SHANK2: variants seen among roughly 807,000 people sequenced by gnomAD.
SHANK2 encodes the protein SH3 and multiple ankyrin repeat domains protein 2.
SHANK2 carries 43 observed loss-of-function variants against 133.7 expected under a neutral mutation model. The ratio of observed to expected loss-of-function variants is 0.32; its 90% confidence interval spans 0.25 to 0.41. SHANK2 has a LOEUF of 0.41. SHANK2 is among the 10% of genes least tolerant of loss of function. The pLI, the probability that SHANK2 is intolerant of heterozygous loss-of-function variation, is 1.00. For missense variants in SHANK2, 1,994 were observed against 2,235.8 expected, an observed-to-expected ratio of 0.89 and a Z score of 2.18; for synonymous variants, 1,017 against 952.8, an observed-to-expected ratio of 1.07 and a Z score of -1.24.
At chr11:71,096,864 T>G (rs1224744480) in intron 6 of SHANK2, among the ~76,000 whole-genome samples, 1 of 152,188 alleles carries the variant, frequency 6.6e-6, no homozygotes, top group East Asian at 1.9e-4. Flanking sequence ...GAGAATGCTG[T>G]CTCAGAGAGA....
chr11:71,100,643 C>T (rs1446029233), intron 6 of SHANK2, among the ~76,000 whole-genome samples: 1 of 152,144 alleles, frequency 6.6e-6, no homozygotes, highest in African/African-American at 2.4e-5. Context: ...CCAAGGCGGG[C>T]AGATCATGAG....
chr11:70,910,676 G>A (rs1340661911), intron 10 of SHANK2, among the ~76,000 whole-genome samples: 1 of 152,082 alleles, frequency 6.6e-6, no homozygotes, highest in Non-Finnish European at 1.5e-5. Context: ...GCATGGTGGT[G>A]GACACCTGTA....
chr11:70,954,714 A>G (rs1450554629), intron 10 of SHANK2, among the ~76,000 whole-genome samples: 8 of 152,264 alleles, frequency 5.3e-5, no homozygotes, highest in Admixed American at 4.6e-4. Context: ...GGCCTCTGCC[A>G]TCACTGGCTT....
At chr11:70,735,987 T>C (rs1661440726) in intron 14 of SHANK2, among the ~76,000 whole-genome samples, 1 of 151,872 alleles carries the variant, frequency 6.6e-6, no homozygotes, top group Non-Finnish European at 1.5e-5. Context: ...CCTCAGATCC[T>C]GCCACTTGCC....
At chr11:70,588,368 C>T (rs1283334989) in intron 17 of SHANK2, among the ~76,000 whole-genome samples, 1 of 152,200 alleles carries the variant, frequency 6.6e-6, no homozygotes. Context: ...CTGAGATAGG[C>T]TGAAAGCTGA....
rs75812912 is a variant in SHANK2, at chr11:70,479,326, A to G, written c.4980-5887T>C. Among the ~76,000 whole-genome samples the G allele has an allele frequency of 1.9e-3, 284 of 152,242 alleles. 2 individuals are homozygous for G. Among genetic ancestry groups the G allele is most frequent in the East Asian group, 0.014 (71 of 5,180 alleles). ...GCAGAGATAACTTTTTAACAACCCA[A>G]AGTTATTTGAAAATCAAGAGGCTGT... On this transcript the variant is annotated intron_variant, in intron 25 of 25. Transcript: ENST00000601538. This position sits in a 1 kb window ranked among gnomAD's most constrained non-coding sequence, Gnocchi z 4.4.
chr11:70,563,970 C>T (rs184973492), intron 17 of SHANK2, among the ~76,000 whole-genome samples: 60 of 152,330 alleles, frequency 3.9e-4, no homozygotes, highest in African/African-American at 1.1e-3. Flanking sequence ...TATTTGTCCA[C>T]GATCTGCTCA....
At chr11:70,602,916 C>G (rs531028231) in intron 17 of SHANK2, among the ~76,000 whole-genome samples, 33 of 152,282 alleles carry the variant, frequency 2.2e-4, no homozygotes, top group Non-Finnish European at 4.3e-4. Flanking sequence ...GAGTCCTACA[C>G]AGGTGGGAAA....
intron 14 of SHANK2, among the ~76,000 whole-genome samples, chr11:70,701,359 G>T (rs536510949): frequency 6.6e-6 from 1 of 152,108 alleles, no homozygotes; most frequent in Non-Finnish European, 1.5e-5. Flanking sequence ...AGGATATTAA[G>T]AACAGTAAAT....
chr11:71,084,895 T>C lies in SHANK2; in HGVS notation c.912+7527A>G, dbSNP rs975357302. Among the ~76,000 whole-genome samples, 458 of 152,262 alleles carry C rather than the reference T, an allele frequency of 3.0e-3. 2 individuals carry two copies. The highest frequency in any genetic ancestry group is 0.011 in the African/African-American group (437 of 41,552). On this transcript the variant is annotated intron_variant, in intron 8 of 25. Transcript: ENST00000601538. The stretch of plus-strand genomic sequence containing the variant: ...TGAGAAGTAACCAGCTCTGAGGATA[T>C]AGAATCATAGTGCAATTAAAGCAGC...
At chr11:71,081,232 C>T (rs1028424982) in intron 8 of SHANK2, among the ~76,000 whole-genome samples, 27 of 152,270 alleles carry the variant, frequency 1.8e-4, no homozygotes, top group African/African-American at 3.4e-4. Flanking sequence ...AGCCCTGCGA[C>T]GCCTTCGTTT....
chr11:70,853,189 T>C (rs782041833), intron 11 of SHANK2, among the ~76,000 whole-genome samples: 1 of 152,156 alleles, frequency 6.6e-6, no homozygotes, highest in Non-Finnish European at 1.5e-5. Context: ...AAATGAAACA[T>C]GAGCAACACT....
At chr11:70,796,841 T>A (rs1947924987) in intron 14 of SHANK2, among the ~76,000 whole-genome samples, 1 of 152,186 alleles carries the variant, frequency 6.6e-6, no homozygotes, top group African/African-American at 2.4e-5. Context: ...TCACTTGGCT[T>A]CTGAAGAACC....
chr11:70,621,358 C>T (rs1405665184), intron 17 of SHANK2, among the ~76,000 whole-genome samples: 5 of 152,324 alleles, frequency 3.3e-5, no homozygotes, highest in African/African-American at 7.2e-5. Flanking sequence ...GTGGAACATG[C>T]GAAGCAGAAC....
At position 71,100,672 on chromosome 11, in the gene SHANK2, T is replaced by A. The variant is rs1378619647; in HGVS notation, c.593-5984A>T. Among the ~76,000 whole-genome samples the A allele has an allele frequency of 2.6e-5, 4 of 152,014 alleles. No individual in the cohort carries two copies. The East Asian group carries it at 5.8e-4, about 22-fold the overall frequency. On this transcript the variant is annotated intron_variant, in intron 6 of 25. Coordinates refer to ENST00000601538, the MANE Select transcript of SHANK2 (RefSeq NM_012309.5). ...TCATGAGGTCAGGAGATCGAGACCA[T>A]CCTGGTTAACACAGTGAAACCCCGT...
intron 17 of SHANK2, among the ~76,000 whole-genome samples, chr11:70,626,232 C>T (rs2060903736): frequency 6.6e-6 from 1 of 152,240 alleles, no homozygotes; most frequent in South Asian, 2.1e-4. Context: ...ATCCTCTTTG[C>T]AAACATTTCA....
At chr11:71,095,329 G>A (rs1444458979) in intron 6 of SHANK2, among the ~76,000 whole-genome samples, 3 of 152,250 alleles carry the variant, frequency 2.0e-5, no homozygotes, top group Admixed American at 2.0e-4. Flanking sequence ...CCCTGGACCA[G>A]TCTGCAGATG....
In SHANK2 at chr11:70,710,402, GC is replaced by G. The variant is rs1248753307; in HGVS notation, c.1778-11640del. Among the ~76,000 whole-genome samples the G allele has an allele frequency of 3.3e-5, 5 of 152,332 alleles. No homozygotes were observed. The East Asian group carries it at 9.6e-4, about 29-fold the overall frequency. ...GGCTATGGAATGGGGTAGGAGGGAA[GC>G]TTAAAACCCAAGGAGGGCTGCAGAC... is the stretch of plus-strand genomic sequence containing the variant. On this transcript the variant is annotated intron_variant, in intron 14 of 25. Coordinates refer to ENST00000601538, the MANE Select transcript of SHANK2 (RefSeq NM_012309.5).
chr11:71,160,478 T>C (rs1295740566), intron 2 of SHANK2, among the ~76,000 whole-genome samples: 1 of 152,124 alleles, frequency 6.6e-6, no homozygotes, highest in Non-Finnish European at 1.5e-5. Flanking sequence ...AGCATGCGTG[T>C]TCACGTGTGG....
Sources: gnomAD v4.1 joint callset for allele counts (sites outside exome capture counted in the v4.1 genomes callset) on GRCh38, gnomAD v4.1.1 for gene constraint, Gnocchi (gnomAD v3.1) non-coding constraint, MANE v1.5 for transcripts, NCBI Gene and HGNC (gene_info 2026-07-23, HGNC 2026-07-21) for gene names.